Variants in ARFGEF3 observed in about 807,000 individuals in gnomAD.
The protein encoded by ARFGEF3 is ARFGEF family member 3, also known as brefeldin A-inhibited guanine nucleotide-exchange protein 3.
A neutral mutation model predicts 221.7 loss-of-function variants in ARFGEF3; 96 were observed. The observed-to-expected ratio is 0.43, with a 90% CI of 0.37 to 0.51. ARFGEF3 has a LOEUF of 0.51. ARFGEF3 is among the 20% of genes least tolerant of loss of function. ARFGEF3 has a pLI of 0.00. For synonymous variants in ARFGEF3, 1,145 were observed against 1,126.8 expected, an observed-to-expected ratio of 1.02 and a Z score of -0.32; for missense variants, 2,410 against 2,789.9, an observed-to-expected ratio of 0.86 and a Z score of 3.07.
At chr6:138,196,607 C>G (rs1777428465) in intron 2 of ARFGEF3, among the ~76,000 whole-genome samples, 1 of 152,028 alleles carries the variant, frequency 6.6e-6, no homozygotes, top group South Asian at 2.1e-4. Flanking sequence ...ACTGCTCTAG[C>G]CTTTATAAAC....
chr6:138,322,159 A>C (rs1195732249), intron 29 of ARFGEF3, among the ~76,000 whole-genome samples: 1 of 152,140 alleles, frequency 6.6e-6, no homozygotes, highest in Non-Finnish European at 1.5e-5. Flanking sequence ...CCTGAATAGA[A>C]CAAAAAGGCC....
chr6:138,312,953 G>A (rs1344251055), intron 25 of ARFGEF3, among the ~76,000 whole-genome samples: 6 of 152,072 alleles, frequency 3.9e-5, no homozygotes, highest in South Asian at 2.1e-4. Context: ...CAAGTGATCC[G>A]CCAGCCTCGG....
chr6:138,228,575 C>A (rs1778134525), intron 4 of ARFGEF3, among the ~76,000 whole-genome samples: 1 of 152,080 alleles, frequency 6.6e-6, no homozygotes, highest in South Asian at 2.1e-4. Flanking sequence ...AATTAATACC[C>A]ACCCTTGTGA....
At chr6:138,165,829 T>C (rs1776714111) in intron 1 of ARFGEF3, among the ~76,000 whole-genome samples, 1 of 152,210 alleles carries the variant, frequency 6.6e-6, no homozygotes, top group African/African-American at 2.4e-5. Flanking sequence ...AGATAGGTGA[T>C]CATCACCATA....
chr6:138,225,509 T>A (rs1226286846), intron 4 of ARFGEF3, among the ~76,000 whole-genome samples: 2 of 152,252 alleles, frequency 1.3e-5, no homozygotes, highest in African/African-American at 4.8e-5. Context: ...GCAAAAGCAC[T>A]TATCACAGTC....
Position 138,307,324 on chromosome 6 carries a change from C to T in ARFGEF3, c.3900C>T (p.Phe1300=). Residue 1300 remains phenylalanine, a synonymous_variant, in exon 23 of 34, where the codon TTC becomes TTT. Transcript: ENST00000251691. The part of the protein sequence containing the change: ...TQIQSGWRPL[F]SALETVHGGN... ...TCCAGTCGGGATGGAGACCCTTGTT[C>T]AGTGCCCTGGAAACAGTGCATGGCG... 6.2e-7 allele frequency: 1 copy of T among 1,614,018 alleles called. No homozygotes were observed. The highest frequency in any genetic ancestry group is 1.1e-5 in the South Asian group (1 of 91,082).
chr6:138,315,432 T>G (rs1226451328), intron 26 of ARFGEF3, among the ~76,000 whole-genome samples: 1 of 152,166 alleles, frequency 6.6e-6, no homozygotes, highest in African/African-American at 2.4e-5. Context: ...TGGGTATAGG[T>G]TATTTCAAAC....
chr6:138,210,217 C>T (rs1355740690), intron 4 of ARFGEF3, among the ~76,000 whole-genome samples, 176 bp downstream of exon 4: 3 of 152,134 alleles, frequency 2.0e-5, no homozygotes, highest in Non-Finnish European at 4.4e-5. Context: ...GGTTTAACAT[C>T]AAAAGGGACA....
intron 21 of ARFGEF3, 100 bp downstream of exon 21, chr6:138,297,055 G>A: frequency 7.4e-7 from 1 of 1,355,844 alleles, no homozygotes; most frequent in Non-Finnish European, 1.0e-6. Context: ...AAAGCACTGT[G>A]GCCATTGGGC....
intron 5 of ARFGEF3, among the ~76,000 whole-genome samples, chr6:138,235,024 G>GTA (rs927477062): frequency 3.3e-5 from 5 of 151,998 alleles, no homozygotes; most frequent in East Asian, 3.9e-4. Context: ...AAAAATATAT[G>GTA]TATATATATA....
chr6:138,281,129 T>A (rs909648667), intron 14 of ARFGEF3, among the ~76,000 whole-genome samples: 2 of 152,158 alleles, frequency 1.3e-5, no homozygotes, highest in Non-Finnish European at 2.9e-5. Context: ...TTTGAGACAA[T>A]GATCCTTGAG....
At position 138,210,029 on chromosome 6, in the gene ARFGEF3, G is replaced by A. The variant is rs1445082088; in HGVS notation, c.339G>A (p.Val113=). 1 of 1,613,584 alleles carries A rather than the reference G, an allele frequency of 6.2e-7. No individual in the cohort carries two copies. Among genetic ancestry groups the A allele is most frequent in the Non-Finnish European group, 8.5e-7 (1 of 1,179,716 alleles). The change falls in exon 4 of 34, where the codon GTG becomes GTA. Residue 113 remains valine, a synonymous_variant. Coordinates refer to ENST00000251691, the MANE Select transcript of ARFGEF3 (RefSeq NM_020340.5). Reference sequence around the variant, plus strand: ...CTTCGCTCAACGAGGACCTGCAGGTGGAAGTGATGAAGGTTGGTTTGACGT... The same window carrying A: ...CTTCGCTCAACGAGGACCTGCAGGTAGAAGTGATGAAGGTTGGTTTGACGT... The part of the protein sequence containing the change: ...VTPSLNEDLQ[V]EVMKVLLCIT...
In ARFGEF3 at chr6:138,161,994, A is replaced by T. The variant is rs1485574300; in HGVS notation, c.-93A>T. The T allele has an allele frequency of 1.5e-6, 1 of 683,160 alleles. No homozygotes were observed. Among genetic ancestry groups the T allele is most frequent in the Non-Finnish European group, 2.0e-6 (1 of 492,052 alleles). The allele number at this position is 683,160 out of a possible 1,614,324, so 42.3% of individuals were successfully genotyped here. Reference sequence around the variant, plus strand: ...ATGGGGGCGCGCGCGGCGGCCGCCTAGGCGCCCAGGGCCAGGCAGCGGCGG... The same window carrying T: ...ATGGGGGCGCGCGCGGCGGCCGCCTTGGCGCCCAGGGCCAGGCAGCGGCGG... On this transcript the variant is annotated 5_prime_UTR_variant, in exon 1 of 34. It removes the in-frame stop codon of an upstream open reading frame in the 5' UTR. Coordinates refer to ENST00000251691, the MANE Select transcript of ARFGEF3 (RefSeq NM_020340.5).
At chr6:138,216,296 G>A (rs577773607) in intron 4 of ARFGEF3, 1 of 152,216 alleles carries the variant, frequency 6.6e-6, no homozygotes, top group South Asian at 2.1e-4. Context: ...TATAACAAAC[G>A]CCTAGTAAAC....
At chr6:138,276,218 C>T (rs962105449) in intron 12 of ARFGEF3, among the ~76,000 whole-genome samples, 4 of 152,130 alleles carry the variant, frequency 2.6e-5, no homozygotes, top group Non-Finnish European at 2.9e-5. Context: ...TGCAAAGCTG[C>T]GAGCTGACCA....
intron 2 of ARFGEF3, among the ~76,000 whole-genome samples, chr6:138,186,392 A>G (rs1777182722): frequency 6.6e-6 from 1 of 152,212 alleles, no homozygotes; most frequent in Admixed American, 6.5e-5. Flanking sequence ...GCCTTCCATT[A>G]TATGTGACTC....
intron 4 of ARFGEF3, among the ~76,000 whole-genome samples, chr6:138,215,132 A>G (rs1323076933): frequency 6.6e-6 from 1 of 152,240 alleles, no homozygotes; most frequent in East Asian, 1.9e-4. Flanking sequence ...GGAGCCATGT[A>G]CGGATCTAAT....
At chr6:138,330,288 G>C (rs1386212678) in intron 32 of ARFGEF3, among the ~76,000 whole-genome samples, 1 of 152,132 alleles carries the variant, frequency 6.6e-6, no homozygotes, top group Non-Finnish European at 1.5e-5. Flanking sequence ...GCCCTTAAGA[G>C]ACAGCTCCCT....
intron 32 of ARFGEF3, among the ~76,000 whole-genome samples, chr6:138,332,850 T>C (rs2114697177): frequency 6.6e-6 from 1 of 152,322 alleles, no homozygotes; most frequent in African/African-American, 2.4e-5. Flanking sequence ...ACTCATTTCA[T>C]CTTGAGAGTA....
Sources: allele counts gnomAD v4.1 joint callset (sites outside exome capture counted in the v4.1 genomes callset), GRCh38; gene constraint gnomAD v4.1.1; transcripts MANE v1.5; gene names NCBI Gene and HGNC (gene_info 2026-07-23, HGNC 2026-07-21).